Variants in PRPF18 observed in about 807,000 individuals in gnomAD.
PRPF18 encodes pre-mRNA-splicing factor 18.
PRPF18 carries 38 observed loss-of-function variants against 46.5 expected under a neutral mutation model. That is an observed-to-expected ratio of 0.82 (90% CI 0.63 to 1.07). The LOEUF is 1.07. Ranked by LOEUF, PRPF18 falls within the 50% of genes least tolerant of loss-of-function variation. The pLI, the probability that PRPF18 is intolerant of heterozygous loss-of-function variation, is 0.00. For synonymous variants in PRPF18, 152 were observed against 146.7 expected (o/e 1.04, Z -0.26); for missense variants, 263 against 410.0 (o/e 0.64, Z 3.10).
intron 7 of PRPF18, 33 bp from the exon 8 acceptor site, chr10:13,613,982 T>C: frequency 6.4e-7 from 1 of 1,553,338 alleles, no homozygotes; most frequent in Non-Finnish European, 8.8e-7. Flanking sequence ...CTATACATAG[T>C]AGCTTCCAAA....
At chr10:13,608,764 T>C (rs1228339153) in intron 4 of PRPF18, among the ~76,000 whole-genome samples, 3 of 152,256 alleles carry the variant, frequency 2.0e-5, no homozygotes, top group Non-Finnish European at 4.4e-5. Flanking sequence ...TGTTTTACCT[T>C]TGTATGCCAA....
chr10:13,646,111 G>C, the PRPF18 span: 1 of 152,688 alleles, frequency 6.5e-6, no homozygotes, highest in Non-Finnish European at 1.5e-5. Context: ...AGCAACGCCA[G>C]CCAAGACTTC....
chr10:13,602,352 G>C (rs1370589186), intron 3 of PRPF18, among the ~76,000 whole-genome samples: 1 of 152,066 alleles, frequency 6.6e-6, no homozygotes, highest in African/African-American at 2.4e-5. Flanking sequence ...TTGATTTGCA[G>C]ATCAACATAT....
chr10:13,617,525 TA>T (rs1348666701), intron 9 of PRPF18, among the ~76,000 whole-genome samples: 5 of 141,896 alleles, frequency 3.5e-5, no homozygotes, highest in African/African-American at 1.3e-4. Flanking sequence ...GTGAGTGTAT[TA>T]AAGGCAGAAG....
rs775068941 is a variant in PRPF18 at position 13,587,091 on chromosome 10, A to C, written c.5A>C (p.Asp2Ala). ...AGCTTAAATTCTGGCGGCGAGATGGACATTCTGAAATCAGAGATCCTTCGG... is the reference window on the plus strand; with the variant it reads ...AGCTTAAATTCTGGCGGCGAGATGGCCATTCTGAAATCAGAGATCCTTCGG... M[D>A]ILKSEILRKR... The change falls in exon 1 of 10, where the codon GAC becomes GCC. Residue 2 changes from aspartate (D) to alanine (A), a missense_variant. By Grantham distance (126) the Asp-to-Ala change is moderately radical. This residue lies in a region of PRPF18 where 71 missense variants were observed against 69.2 expected (regional missense o/e 1.03). Transcript: ENST00000378572. 1 of 1,613,992 alleles carries C rather than the reference A, an allele frequency of 6.2e-7. No homozygotes were observed. Among genetic ancestry groups the C allele is most frequent in the Non-Finnish European group, 8.5e-7 (1 of 1,179,948 alleles).
At chr10:13,617,785 A>G (rs1041367325) in intron 9 of PRPF18, among the ~76,000 whole-genome samples, 8 of 152,188 alleles carry the variant, frequency 5.3e-5, no homozygotes, top group African/African-American at 1.9e-4. Context: ...TTTGGAAGCT[A>G]TGTAATGACC....
At position 13,618,684 on chromosome 10, in the gene PRPF18, G is replaced by A. The variant is rs73574292; in HGVS notation, c.948+2131G>A. 6.4e-3 allele frequency among the ~76,000 whole-genome samples: 950 copies of A among 147,776 alleles called. 14 individuals are homozygous for A. The highest frequency in any genetic ancestry group is 0.023 in the African/African-American group (914 of 40,442). ...TAAATTTAGTGTAATAAAATTTGTA[G>A]TATGATATGGCCACCTAATAACTTA... is the stretch of plus-strand genomic sequence containing the variant. On this transcript the variant is annotated intron_variant, in intron 9 of 9. Transcript: ENST00000378572.
chr10:13,621,600 G>T (rs1027565673), intron 9 of PRPF18, among the ~76,000 whole-genome samples: 4 of 152,084 alleles, frequency 2.6e-5, no homozygotes, highest in African/African-American at 9.7e-5. Flanking sequence ...CCACTCCTTT[G>T]TAACATCCTC....
intron 5 of PRPF18, 62 bp from the exon 6 acceptor site, chr10:13,611,553 A>C: frequency 4.7e-6 from 6 of 1,285,354 alleles, no homozygotes; most frequent in South Asian, 1.2e-5. Flanking sequence ...TGGTGTTGGT[A>C]ATATATATGT....
the PRPF18 span, chr10:13,654,207 C>T: frequency 1.7e-6 from 1 of 597,272 alleles, no homozygotes; most frequent in South Asian, 2.0e-5. Context: ...TTTAAGAGAA[C>T]ACAGACAATT....
chr10:13,610,215 C>T, intron 5 of PRPF18, 30 bp downstream of exon 5: 9 of 1,599,080 alleles, frequency 5.6e-6, no homozygotes, highest in Non-Finnish European at 7.7e-6. Flanking sequence ...CAGCACATCC[C>T]TGGCACCCTT....
chr10:13,651,933 G>A, the PRPF18 span: 3 of 1,596,956 alleles, frequency 1.9e-6, no homozygotes, highest in Non-Finnish European at 2.6e-6. Flanking sequence ...GTGAGGTGGA[G>A]ACTCAGACCC....
intron 9 of PRPF18, among the ~76,000 whole-genome samples, chr10:13,623,018 G>A (rs528166248): frequency 6.6e-6 from 1 of 152,114 alleles, no homozygotes; most frequent in South Asian, 2.1e-4. Flanking sequence ...CTAACACAGT[G>A]AAACCCCGTC....
chr10:13,609,082 C>T (rs1471738012), intron 4 of PRPF18, among the ~76,000 whole-genome samples: 1 of 152,180 alleles, frequency 6.6e-6, no homozygotes, highest in African/African-American at 2.4e-5. Context: ...TATGAAGGGA[C>T]AGGAGACAAT....
At chr10:13,616,269 T>A in intron 8 of PRPF18, 129 bp from the exon 9 acceptor site, 1 of 896,538 alleles carries the variant, frequency 1.1e-6, no homozygotes, top group South Asian at 1.8e-5. Context: ...ACAGTCATGG[T>A]AATATTTTCC....
intron 8 of PRPF18, 142 bp from the exon 9 acceptor site, chr10:13,616,256 A>C: frequency 1.2e-6 from 1 of 809,402 alleles, no homozygotes; most frequent in East Asian, 2.6e-5. Context: ...TTTTGTTTGA[A>C]TAACAGTCAT....
chr10:13,628,523 T>A (rs1228047820), intron 9 of PRPF18, among the ~76,000 whole-genome samples: 2 of 152,230 alleles, frequency 1.3e-5, no homozygotes, highest in African/African-American at 4.8e-5. Context: ...TAAATAGTTA[T>A]TATATGATAT....
chr10:13,591,436 A>G, intron 1 of PRPF18: 1 of 515,954 alleles, frequency 1.9e-6, no homozygotes, highest in East Asian at 3.0e-5. Context: ...CAGTTATTTA[A>G]TTAGGTTCTT....
the PRPF18 span, chr10:13,651,903 C>G: frequency 6.6e-7 from 1 of 1,514,356 alleles, no homozygotes; most frequent in Non-Finnish European, 9.2e-7. Flanking sequence ...CTTACGGTAC[C>G]TCTATTCATC....
Sources: allele counts gnomAD v4.1 joint callset (sites outside exome capture counted in the v4.1 genomes callset), GRCh38; gene constraint gnomAD v4.1.1; regional missense constraint gnomAD v4.1.1; transcripts MANE v1.5; gene names NCBI Gene and HGNC (gene_info 2026-07-23, HGNC 2026-07-21).